CTNNA3: variants seen among roughly 807,000 people sequenced by gnomAD.
CTNNA3 encodes catenin alpha-3.
A neutral mutation model predicts 95.7 loss-of-function variants in CTNNA3; 76 were observed. That is an observed-to-expected ratio of 0.79 (90% CI 0.66 to 0.96). CTNNA3 has a LOEUF of 0.96. Among genes scored for constraint, CTNNA3 ranks in the 40% least tolerant of loss-of-function variants. CTNNA3 has a pLI of 0.00. For synonymous variants in CTNNA3, 431 were observed against 374.4 expected (o/e 1.15, Z -1.74); for missense variants, 1,191 against 1,089.8 (o/e 1.09, Z -1.31).
intron 5 of CTNNA3, among the ~76,000 whole-genome samples, chr10:67,505,610 A>G (rs1159742599): frequency 6.6e-6 from 1 of 152,234 alleles, no homozygotes; most frequent in Non-Finnish European, 1.5e-5. Context: ...TAAACTTCAA[A>G]GCACAAAAAT....
intron 9 of CTNNA3, among the ~76,000 whole-genome samples, chr10:66,696,449 CATAATAATGTAGTAA>C (rs1564625033): frequency 6.6e-6 from 1 of 152,060 alleles, no homozygotes; most frequent in East Asian, 1.9e-4. Context: ...CCTCTTGGTA[CATAATAATGTAGTAA>C]ATATGAGAAT....
intron 10 of CTNNA3, among the ~76,000 whole-genome samples, chr10:66,604,941 G>T (rs960847351): frequency 6.6e-6 from 1 of 152,112 alleles, no homozygotes; most frequent in East Asian, 1.9e-4. Context: ...CTCCAGCAGG[G>T]GTTCTGAACT....
chr10:67,504,275 A>G (rs1350959332), intron 5 of CTNNA3, among the ~76,000 whole-genome samples: 1 of 150,866 alleles, frequency 6.6e-6, no homozygotes, highest in Non-Finnish European at 1.5e-5. Context: ...ACACGGTGAA[A>G]CCCCATCTCT....
chr10:66,838,398 A>G (rs1346948299), intron 7 of CTNNA3, among the ~76,000 whole-genome samples: 1 of 152,126 alleles, frequency 6.6e-6, no homozygotes, highest in Non-Finnish European at 1.5e-5. Context: ...CTGTTACATT[A>G]TTTTGTCTTC....
chr10:66,689,929 A>T (rs2132532316), intron 9 of CTNNA3, among the ~76,000 whole-genome samples: 1 of 152,292 alleles, frequency 6.6e-6, no homozygotes. Context: ...GAGAAGGCAA[A>T]ATGCTACAGA....
At chr10:66,436,557 A>G (rs1260052875) in intron 11 of CTNNA3, among the ~76,000 whole-genome samples, 1 of 127,144 alleles carries the variant, frequency 7.9e-6, no homozygotes, top group Non-Finnish European at 1.6e-5. Flanking sequence ...ATCTTTCTCA[A>G]TCCCACTATT....
intron 11 of CTNNA3, among the ~76,000 whole-genome samples, chr10:66,392,308 T>C (rs1461236424): frequency 6.6e-6 from 1 of 151,940 alleles, no homozygotes; most frequent in East Asian, 1.9e-4. Flanking sequence ...TCCACACCTG[T>C]AGTCCTAACT....
intron 10 of CTNNA3, among the ~76,000 whole-genome samples, chr10:66,605,488 G>A (rs2660039): frequency 0.63 from 95,122 of 151,780 alleles, 30,319 homozygotes; most frequent in East Asian, 0.91. Flanking sequence ...CAAGAAGATC[G>A]CTCCAAGACA....
chr10:67,120,918 C>A (rs1350524145), intron 7 of CTNNA3, among the ~76,000 whole-genome samples: 2 of 151,998 alleles, frequency 1.3e-5, no homozygotes, highest in East Asian at 3.9e-4. Flanking sequence ...ATAAAGCATG[C>A]CCATTGCTGG....
intron 5 of CTNNA3, among the ~76,000 whole-genome samples, chr10:67,263,972 C>T (rs1036320214): frequency 1.1e-4 from 17 of 151,376 alleles, no homozygotes; most frequent in African/African-American, 3.6e-4. Flanking sequence ...AGTTTGATAA[C>T]GTCAGCTTTT....
chr10:66,042,606 A>T (rs2079718293), intron 15 of CTNNA3, among the ~76,000 whole-genome samples: 1 of 152,118 alleles, frequency 6.6e-6, no homozygotes, highest in South Asian at 2.1e-4. Context: ...TATTAAAAAA[A>T]AATGAGAATA....
At chr10:66,011,393 G>A (rs2079002084) in intron 15 of CTNNA3, among the ~76,000 whole-genome samples, 1 of 151,842 alleles carries the variant, frequency 6.6e-6, no homozygotes, top group Non-Finnish European at 1.5e-5. Context: ...TAAAACCAGA[G>A]ACACTTGTTA....
chr10:66,060,587 A>G (rs2080174875), intron 15 of CTNNA3, among the ~76,000 whole-genome samples: 1 of 152,124 alleles, frequency 6.6e-6, no homozygotes, highest in Admixed American at 6.6e-5. Flanking sequence ...TCAAACCAGC[A>G]ACAGGGAAAA....
chr10:67,465,918 T>C (rs1464115457), intron 5 of CTNNA3, among the ~76,000 whole-genome samples: 4 of 152,218 alleles, frequency 2.6e-5, no homozygotes, highest in African/African-American at 9.6e-5. Flanking sequence ...GTCATATTTT[T>C]GTTTCAATTT....
chr10:67,554,527 A>G (rs1456799507), intron 3 of CTNNA3, among the ~76,000 whole-genome samples: 1 of 152,092 alleles, frequency 6.6e-6, no homozygotes, highest in Admixed American at 6.5e-5. Context: ...GCATTTTTTC[A>G]TGTGTCTGTT....
intron 11 of CTNNA3, among the ~76,000 whole-genome samples, chr10:66,415,875 TAGA>T (rs1245449772): frequency 6.6e-6 from 1 of 152,144 alleles, no homozygotes; most frequent in Non-Finnish European, 1.5e-5. Flanking sequence ...TTGAAAAAGT[TAGA>T]AGAAGCAACT....
At chr10:66,521,002 T>A (rs1841048452) in intron 10 of CTNNA3, among the ~76,000 whole-genome samples, 1 of 151,322 alleles carries the variant, frequency 6.6e-6, no homozygotes, top group East Asian at 1.9e-4. Context: ...TTTAAAAAAA[T>A]CTGTAAAGAT....
At chr10:66,629,731 G>C (rs1267401104) in intron 9 of CTNNA3, among the ~76,000 whole-genome samples, 1 of 151,938 alleles carries the variant, frequency 6.6e-6, no homozygotes, top group African/African-American at 2.4e-5. Context: ...CTTTGCTTCA[G>C]CTATATCAAT....
At chr10:67,046,704 G>A (rs1286517309) in intron 7 of CTNNA3, among the ~76,000 whole-genome samples, 1 of 152,160 alleles carries the variant, frequency 6.6e-6, no homozygotes, top group African/African-American at 2.4e-5. Context: ...GAAGATAAAT[G>A]TATTGACTCA....
Sources: gnomAD v4.1 joint callset for allele counts (sites outside exome capture counted in the v4.1 genomes callset) on GRCh38, gnomAD v4.1.1 for gene constraint, MANE v1.5 for transcripts, NCBI Gene and HGNC (gene_info 2026-07-23, HGNC 2026-07-21) for gene names.